The following FAXC variants were observed in gnomAD, a reference collection of about 807,000 sequenced individuals.
The protein encoded by FAXC is failed axon connections homolog.
A neutral mutation model predicts 41.9 loss-of-function variants in FAXC; 10 were observed. The observed-to-expected ratio is 0.24, with a 90% CI of 0.15 to 0.41. The LOEUF (loss-of-function observed/expected upper bound fraction) is 0.41. Among genes scored for constraint, FAXC ranks in the 10% least tolerant of loss-of-function variants. The probability of loss-of-function intolerance (pLI) is 1.00; values close to 1 mark genes in which losing one functional copy is unlikely to be tolerated. For synonymous variants in FAXC, 183 were observed against 183.8 expected (o/e 1.00, Z 0.03); for missense variants, 399 against 510.9 (o/e 0.78, Z 2.11).
chr6:99,346,670 G>C (rs1191600717), intron 1 of FAXC, among the ~76,000 whole-genome samples: 2 of 152,130 alleles, frequency 1.3e-5, no homozygotes, highest in African/African-American at 4.8e-5. Context: ...AAAGTGCTGG[G>C]ATTACAGGCG....
chr6:99,346,502 T>C (rs746263503), intron 1 of FAXC, among the ~76,000 whole-genome samples: 6 of 152,072 alleles, frequency 3.9e-5, no homozygotes, highest in Non-Finnish European at 5.9e-5. Context: ...TTCTCCTGCC[T>C]CAGCTCCCCG....
At chr6:99,283,422 C>A (rs1264519606) in intron 5 of FAXC, among the ~76,000 whole-genome samples, 1 of 152,146 alleles carries the variant, frequency 6.6e-6, no homozygotes, top group Admixed American at 6.6e-5. Flanking sequence ...TTACTTACAT[C>A]CCCTGCAAAA....
intron 4 of FAXC, among the ~76,000 whole-genome samples, chr6:99,303,040 A>T (rs940717677): frequency 2.0e-5 from 3 of 152,222 alleles, no homozygotes; most frequent in Non-Finnish European, 2.9e-5. Context: ...CAGTGGGGTC[A>T]GTGGGAAAAA....
chr6:99,327,095 T>C (rs186617463), intron 3 of FAXC, among the ~76,000 whole-genome samples: 5 of 152,312 alleles, frequency 3.3e-5, no homozygotes, highest in African/African-American at 1.2e-4. Context: ...TCTCTCTCTC[T>C]TCTCCTTCTA....
intron 4 of FAXC, among the ~76,000 whole-genome samples, chr6:99,319,003 T>C (rs1263241596): frequency 6.6e-6 from 1 of 152,196 alleles, no homozygotes; most frequent in Non-Finnish European, 1.5e-5. Context: ...AAACAGTGTA[T>C]GTATTTCTGG....
At chr6:99,313,185 CG>C (rs1772213135) in intron 4 of FAXC, among the ~76,000 whole-genome samples, 1 of 152,128 alleles carries the variant, frequency 6.6e-6, no homozygotes, top group Non-Finnish European at 1.5e-5. Flanking sequence ...CCCAGCTCCT[CG>C]GGACGATGAG....
chr6:99,329,699 A>G (rs1772961959), intron 3 of FAXC, among the ~76,000 whole-genome samples: 1 of 152,036 alleles, frequency 6.6e-6, no homozygotes, highest in African/African-American at 2.4e-5. Flanking sequence ...AAAGTTATAA[A>G]CAGAAAGAGT....
At chr6:99,289,687 ATATGTGTGTG>A (rs1452701726) in intron 5 of FAXC, among the ~76,000 whole-genome samples, 32 of 70,010 alleles carry the variant, frequency 4.6e-4, no homozygotes, top group South Asian at 8.5e-4. Context: ...GTACATATGT[ATATGTGTGTG>A]TGTGTGTGTG....
rs923189946 is a variant in FAXC, at chr6:99,277,008, C to A, written c.*4156G>T. ...CTGGGAAGCCTTCATGTGAAGCTGA[C>A]GAAGTCAGACCTTGAGAGATGGGCA... On this transcript the variant is annotated 3_prime_UTR_variant, in exon 6 of 6. Transcript: ENST00000389677. 6.6e-6 allele frequency: 1 copy of A among 152,192 alleles called. No individual in the cohort carries two copies. Among genetic ancestry groups the A allele is most frequent in the African/African-American group, 2.4e-5 (1 of 41,432 alleles). The allele number at this position is 152,192 out of a possible 1,614,324, so 9.4% of individuals were successfully genotyped here. A position where few individuals can be genotyped will look rare whatever the true frequency, so the allele number is the denominator to read the frequency against.
At chr6:99,309,550 T>G (rs1011150173) in intron 4 of FAXC, among the ~76,000 whole-genome samples, 1 of 152,180 alleles carries the variant, frequency 6.6e-6, no homozygotes, top group Non-Finnish European at 1.5e-5. Context: ...CTCCACTACC[T>G]GGTCCCCATA....
Position 99,281,596 on chromosome 6 carries a change from G to GTTCA in FAXC, c.941-144_941-143insTGAA, listed in dbSNP as rs67659614. 1.2e-5 allele frequency: 7 copies of GTTCA among 597,192 alleles called. No individual in the cohort carries two copies. The African/African-American group carries it at 2.1e-4, about 18-fold the overall frequency. 37.0% of individuals were successfully genotyped at this position (597,192 alleles called of 1,614,324 possible). A position where few individuals can be genotyped will look rare whatever the true frequency, so the allele number is the denominator to read the frequency against. ...AAGGAGGTGGGGCCTTTAAGAGGTG[G>GTTCA]TTCGTTCATGAGGCCCAAGCCCTCA... is the stretch of plus-strand genomic sequence containing the variant. On this transcript the variant is annotated intron_variant, in intron 5 of 5. Transcript: ENST00000389677.
rs1554197989 is a variant in FAXC, at chr6:99,288,859, T to TACACACACAGACACACAC, written c.940+2844_940+2845insGTGTGTGTCTGTGTGTGT. 1.7e-3 allele frequency among the ~76,000 whole-genome samples: 242 copies of TACACACACAGACACACAC among 145,850 alleles called. 2 individuals carry two copies. Among genetic ancestry groups the TACACACACAGACACACAC allele is most frequent in the African/African-American group, 5.9e-3 (230 of 38,844 alleles). ...ATGCACATGAATCGACACACACACA[T>TACACACACAGACACACAC]ACACACACACACACACACACACACA... On this transcript the variant is annotated intron_variant, in intron 5 of 5. Transcript: ENST00000389677.
rs1770419281 is a variant in FAXC at position 99,272,031 on chromosome 6, C to CAT, written c.*9131_*9132dup. The CAT allele has an allele frequency of 6.6e-6, 1 of 152,132 alleles. No individual in the cohort carries two copies. Among genetic ancestry groups the CAT allele is most frequent in the South Asian group, 2.1e-4 (1 of 4,820 alleles). 9.4% of individuals were successfully genotyped at this position (152,132 alleles called of 1,614,324 possible). On this transcript the variant is annotated 3_prime_UTR_variant, in exon 6 of 6. Coordinates refer to ENST00000389677, the MANE Select transcript of FAXC (RefSeq NM_032511.4). ...GAATCTCTGACCCTAAAGACTTGAG[C>CAT]ATATCATGGCCATATTACCATATGC... is the stretch of plus-strand genomic sequence containing the variant.
chr6:99,309,871 A>C, intron 4 of FAXC: 2 of 980,824 alleles, frequency 2.0e-6, no homozygotes, highest in Non-Finnish European at 2.4e-6. Flanking sequence ...GTTAAAATTT[A>C]TGGTTTTCAG....
intron 4 of FAXC, among the ~76,000 whole-genome samples, chr6:99,310,643 T>G (rs1232997713): frequency 6.6e-6 from 1 of 152,254 alleles, no homozygotes; most frequent in Non-Finnish European, 1.5e-5. Context: ...ATGGTTTTTT[T>G]CTTTTATCTG....
rs889836016 is a variant in FAXC, at chr6:99,278,200, T to C, written c.*2964A>G. The C allele has an allele frequency of 6.6e-6, 1 of 152,224 alleles. No individual in the cohort carries two copies. Among genetic ancestry groups the C allele is most frequent in the Non-Finnish European group, 1.5e-5 (1 of 68,046 alleles). 9.4% of individuals were successfully genotyped at this position (152,224 alleles called of 1,614,324 possible). On this transcript the variant is annotated 3_prime_UTR_variant, in exon 6 of 6. Coordinates refer to ENST00000389677, the MANE Select transcript of FAXC (RefSeq NM_032511.4). Reference sequence around the variant, plus strand: ...AACAAATTGGTAAATGCTGACAATATAGTTCATCATTGCATAAATATAGAT... The same window carrying C: ...AACAAATTGGTAAATGCTGACAATACAGTTCATCATTGCATAAATATAGAT...
At position 99,323,555 on chromosome 6, in the gene FAXC, T is replaced by C; in HGVS notation, c.712A>G (p.Thr238Ala). The stretch of plus-strand genomic sequence containing the variant: ...ATCTCGCGTTTCACAATTCCTTTCG[T>C]TATGTGGCACACAACCCACCTCAGC... ...NLLRWVVCHITKGIVKREMHG... is the reference protein window; with the variant it reads ...NLLRWVVCHIAKGIVKREMHG... Residue 238 changes from threonine to alanine, a missense_variant, in exon 4 of 6, where the codon ACG becomes GCG. Physicochemically the swap from Thr to Ala is moderately conservative, Grantham distance 58 (BLOSUM62 0). This residue lies in a region of FAXC where 239 missense variants were observed against 352.7 expected (regional missense o/e 0.68). Coordinates refer to ENST00000389677, the MANE Select transcript of FAXC (RefSeq NM_032511.4). 6.2e-7 allele frequency: 1 copy of C among 1,614,226 alleles called. No homozygotes were observed. The highest frequency in any genetic ancestry group is 8.5e-7 in the Non-Finnish European group (1 of 1,180,050).
intron 4 of FAXC, among the ~76,000 whole-genome samples, chr6:99,294,989 G>C (rs921572793): frequency 6.6e-6 from 1 of 152,130 alleles, no homozygotes; most frequent in Non-Finnish European, 1.5e-5. Flanking sequence ...CGATGCTCTC[G>C]GTCTCCACAA....
intron 4 of FAXC, among the ~76,000 whole-genome samples, chr6:99,319,241 C>CA (rs921326477): frequency 5.3e-5 from 8 of 151,730 alleles, no homozygotes; most frequent in South Asian, 2.1e-4. Context: ...ACTAAAAATA[C>CA]AAAAAAAATT....
Sources: gnomAD v4.1 joint callset for allele counts (sites outside exome capture counted in the v4.1 genomes callset) on GRCh38, gnomAD v4.1.1 for gene constraint, gnomAD v4.1.1 regional missense constraint, MANE v1.5 for transcripts, NCBI Gene and HGNC (gene_info 2026-07-23, HGNC 2026-07-21) for gene names.